Variants in RGS6 observed in about 807,000 individuals in gnomAD.
RGS6 encodes regulator of G protein signaling 6, also known as regulator of G-protein signaling 6.
In RGS6, 30 loss-of-function variants were observed where a neutral mutation model predicts 78.5. That is an observed-to-expected ratio of 0.38 (90% CI 0.29 to 0.52). The LOEUF is 0.52. Ranked by LOEUF, RGS6 falls within the 20% of genes least tolerant of loss-of-function variation. The pLI, the probability that RGS6 is intolerant of heterozygous loss-of-function variation, is 0.85. For synonymous variants in RGS6, 206 were observed against 206.0 expected (o/e 1.00, Z 0.00); for missense variants, 495 against 609.7 (o/e 0.81, Z 1.98).
chr14:72,422,835 C>T lies in RGS6; in HGVS notation c.185-31693C>T, dbSNP rs373162614. Among the ~76,000 whole-genome samples, 37 of 152,258 alleles carry T rather than the reference C, an allele frequency of 2.4e-4. 1 individual carries two copies. The highest frequency in any genetic ancestry group is 3.4e-3 in the Middle Eastern group (1 of 294). The stretch of plus-strand genomic sequence containing the variant: ...GAGGAAGGCCAAGTGAGGATGGAGG[C>T]GGAGATCCAGGGCCCATCTGCAAGT... On this transcript the variant is annotated intron_variant, in intron 3 of 17. Transcript: ENST00000553525.
At chr14:72,016,751 A>T (rs946463821) in intron 2 of RGS6, among the ~76,000 whole-genome samples, 1 of 151,876 alleles carries the variant, frequency 6.6e-6, no homozygotes, top group African/African-American at 2.4e-5. Flanking sequence ...TTTAAGTTTC[A>T]CTTCAGTTTT....
chr14:72,001,931 T>C (rs2238270), intron 2 of RGS6, among the ~76,000 whole-genome samples: 83,308 of 135,582 alleles, frequency 0.61, 26,349 homozygotes, highest in Non-Finnish European at 0.69. Context: ...GAGACAGGGT[T>C]TCCCTCTGCT....
intron 13 of RGS6, among the ~76,000 whole-genome samples, chr14:72,509,226 G>A (rs151222882): frequency 8.5e-5 from 13 of 152,182 alleles, no homozygotes; most frequent in South Asian, 2.1e-4. Context: ...TTAGCCAGAC[G>A]TGGTGGTACG....
rs368849569 is a variant in RGS6, at chr14:71,982,498, TC to T, written c.84+17624del. Among the ~76,000 whole-genome samples the T allele has an allele frequency of 2.0e-3, 301 of 152,314 alleles. 1 individual carries two copies. Among genetic ancestry groups the T allele is most frequent in the African/African-American group, 7.0e-3 (290 of 41,580 alleles). On this transcript the variant is annotated intron_variant, in intron 2 of 17. Transcript: ENST00000553525. Reference sequence around the variant, plus strand: ...CACAAAGATTACTTGTAGCTGGACTTCAGTTCTTCTTAGGGCTAGATATATT... The same window carrying T: ...CACAAAGATTACTTGTAGCTGGACTTAGTTCTTCTTAGGGCTAGATATATT...
intron 3 of RGS6, among the ~76,000 whole-genome samples, chr14:72,453,678 A>G (rs1010809916): frequency 6.6e-6 from 1 of 150,568 alleles, no homozygotes; most frequent in African/African-American, 2.4e-5. Context: ...TCGTTAAGGT[A>G]ATACTAGATA....
At chr14:72,366,276 G>C (rs1443358958) in intron 3 of RGS6, among the ~76,000 whole-genome samples, 1 of 152,194 alleles carries the variant, frequency 6.6e-6, no homozygotes, top group African/African-American at 2.4e-5. Flanking sequence ...AGGAATGCCT[G>C]TTGGTTCACC....
At chr14:72,159,482 T>G (rs1246012395) in intron 2 of RGS6, among the ~76,000 whole-genome samples, 1 of 152,232 alleles carries the variant, frequency 6.6e-6, no homozygotes, top group African/African-American at 2.4e-5. Flanking sequence ...GTGATCTGAC[T>G]GACATCCAGA....
intron 12 of RGS6, among the ~76,000 whole-genome samples, chr14:72,482,043 G>A (rs1427658382): frequency 2.0e-5 from 3 of 151,928 alleles, no homozygotes; most frequent in Non-Finnish European, 4.4e-5. Context: ...ATCTCCTGAC[G>A]TCGTGATCCG....
intron 2 of RGS6, among the ~76,000 whole-genome samples, chr14:72,277,606 A>T (rs971345226): frequency 2.1e-5 from 3 of 145,898 alleles, no homozygotes; most frequent in Non-Finnish European, 4.5e-5. Flanking sequence ...AAAAATAAAA[A>T]AAAAAAATTT....
At chr14:71,884,553 T>C in the RGS6 span, among the ~76,000 whole-genome samples, 1 of 152,156 alleles carries the variant, frequency 6.6e-6, no homozygotes, top group African/African-American at 2.4e-5. Flanking sequence ...AAAGGGAGAA[T>C]AGCATGAGTA....
chr14:72,537,529 G>A, intron 16 of RGS6: 2 of 702,362 alleles, frequency 2.8e-6, no homozygotes, highest in Non-Finnish European at 5.2e-6. Context: ...TGTGGCTACT[G>A]TGATGGGCAG....
chr14:72,286,889 T>C (rs1232879533), intron 2 of RGS6, among the ~76,000 whole-genome samples: 1 of 146,044 alleles, frequency 6.8e-6, no homozygotes, highest in African/African-American at 2.5e-5. Flanking sequence ...GTTCAAGCAA[T>C]TCTTCTGCCT....
At chr14:72,101,197 C>T (rs1478310083) in intron 2 of RGS6, among the ~76,000 whole-genome samples, 1 of 152,118 alleles carries the variant, frequency 6.6e-6, no homozygotes, top group Non-Finnish European at 1.5e-5. Flanking sequence ...CAAACAAAAA[C>T]CTTTGTGTCC....
chr14:72,597,440 G>A, the RGS6 span, among the ~76,000 whole-genome samples: 1 of 152,232 alleles, frequency 6.6e-6, no homozygotes, highest in African/African-American at 2.4e-5. Context: ...GAAACCCCCA[G>A]GAGCCAGGGC....
intron 2 of RGS6, among the ~76,000 whole-genome samples, chr14:72,296,253 A>G (rs1314735184): frequency 1.3e-5 from 2 of 152,158 alleles, no homozygotes; most frequent in African/African-American, 2.4e-5. Context: ...CAGTTTATCC[A>G]TTCTCCTGTT....
the RGS6 span, among the ~76,000 whole-genome samples, chr14:71,915,686 T>C: frequency 1.3e-5 from 2 of 152,156 alleles, no homozygotes; most frequent in Non-Finnish European, 2.9e-5. Context: ...ATTGGTTCAG[T>C]GTAGGTTTGT....
intron 2 of RGS6, among the ~76,000 whole-genome samples, chr14:72,121,850 G>C (rs1260894654): frequency 6.6e-6 from 1 of 152,066 alleles, no homozygotes; most frequent in East Asian, 1.9e-4. Context: ...GTCTGCAACG[G>C]TGCCTTATTC....
rs75187861 is a variant in RGS6 at position 72,069,396 on chromosome 14, A to G, written c.84+104521A>G. ...TTGTAGCATGCATACTTTATTTATA[A>G]AAGTCTAAATTCAGTCAGTATCTTT... is the stretch of plus-strand genomic sequence containing the variant. On this transcript the variant is annotated intron_variant, in intron 2 of 17. Coordinates refer to ENST00000553525, the MANE Select transcript of RGS6 (RefSeq NM_001204424.2). Among the ~76,000 whole-genome samples the G allele has an allele frequency of 3.4e-3, 523 of 152,322 alleles. 3 individuals are homozygous for G. Among genetic ancestry groups the G allele is most frequent in the African/African-American group, 0.012 (506 of 41,566 alleles).
intron 2 of RGS6, among the ~76,000 whole-genome samples, chr14:72,227,930 A>G (rs1446659714): frequency 6.6e-6 from 1 of 152,182 alleles, no homozygotes; most frequent in Non-Finnish European, 1.5e-5. Context: ...TAAACACATG[A>G]ATGTCCTGGG....
Sources: gnomAD v4.1 joint callset for allele counts (sites outside exome capture counted in the v4.1 genomes callset) on GRCh38, gnomAD v4.1.1 for gene constraint, MANE v1.5 for transcripts, NCBI Gene and HGNC (gene_info 2026-07-23, HGNC 2026-07-21) for gene names.